FBXL17: variants seen among roughly 807,000 people sequenced by gnomAD.
The protein encoded by FBXL17 is F-box and leucine rich repeat protein 17.
In FBXL17, 22 loss-of-function variants were observed where a neutral mutation model predicts 66.2. That is an observed-to-expected ratio of 0.33 (90% CI 0.24 to 0.47). The LOEUF (loss-of-function observed/expected upper bound fraction) is 0.47. FBXL17 is among the 20% of genes least tolerant of loss of function. FBXL17 has a pLI of 1.00. For synonymous variants in FBXL17, 474 were observed against 400.5 expected (o/e 1.18, Z -2.19); for missense variants, 878 against 948.2 (o/e 0.93, Z 0.97).
At chr5:108,240,890 G>T (rs1182175700) in intron 4 of FBXL17, among the ~76,000 whole-genome samples, 1 of 152,098 alleles carries the variant, frequency 6.6e-6, no homozygotes, top group African/African-American at 2.4e-5. Context: ...GAGAGAGATT[G>T]ATTCCATTTG....
At position 108,379,156 on chromosome 5, in the gene FBXL17, C is replaced by T. The variant is rs1218261194; in HGVS notation, c.993+1543G>A. Among the ~76,000 whole-genome samples the T allele has an allele frequency of 2.0e-5, 3 of 151,866 alleles. No homozygotes were observed. In the East Asian group the frequency reaches 5.8e-4, roughly 29 times the overall value. On this transcript the variant is annotated intron_variant, in intron 1 of 8. Coordinates refer to ENST00000542267, the MANE Select transcript of FBXL17 (RefSeq NM_001163315.3). Reference sequence around the variant, plus strand: ...TTCTCTTTATTATGAGATCATGTCCCTTTTTTTTCTCGGCATTAAAATGTT... The same window carrying T: ...TTCTCTTTATTATGAGATCATGTCCTTTTTTTTTCTCGGCATTAAAATGTT...
intron 6 of FBXL17, among the ~76,000 whole-genome samples, chr5:108,100,910 C>G (rs993429569): frequency 6.6e-6 from 1 of 152,074 alleles, no homozygotes. Context: ...CATTTCACTA[C>G]AAATACAGAT....
In FBXL17 at chr5:108,265,003, T is replaced by A. The variant is rs139281557; in HGVS notation, c.1507-40775A>T. Among the ~76,000 whole-genome samples the A allele has an allele frequency of 5.1e-3, 782 of 152,098 alleles. 8 individuals are homozygous for A. The highest frequency in any genetic ancestry group is 0.018 in the African/African-American group (740 of 41,518). On this transcript the variant is annotated intron_variant, in intron 4 of 8. Coordinates refer to ENST00000542267, the MANE Select transcript of FBXL17 (RefSeq NM_001163315.3). The stretch of plus-strand genomic sequence containing the variant: ...CCCTATTTCTTTTATCTGTGATCCA[T>A]CCTCTATATTAAAAGATTATATGAA...
intron 4 of FBXL17, among the ~76,000 whole-genome samples, chr5:108,332,032 T>C (rs1760147128): frequency 6.6e-6 from 1 of 152,114 alleles, no homozygotes; most frequent in South Asian, 2.1e-4. Flanking sequence ...CTTATTTGAT[T>C]AAAAACTAGT....
intron 4 of FBXL17, among the ~76,000 whole-genome samples, chr5:108,232,008 G>A (rs1755364780): frequency 6.6e-6 from 1 of 151,438 alleles, no homozygotes; most frequent in African/African-American, 2.4e-5. Flanking sequence ...GCTTGCTGAA[G>A]GCAAAGGAAT....
intron 4 of FBXL17, among the ~76,000 whole-genome samples, chr5:108,322,608 T>C (rs559407809): frequency 4.6e-5 from 7 of 152,050 alleles, no homozygotes; most frequent in Admixed American, 1.3e-4. Context: ...GTTTGTATTT[T>C]TGAAAATAAT....
Position 108,129,658 on chromosome 5 carries a change from C to G in FBXL17, c.1745+56459G>C, listed in dbSNP as rs1483626307. On this transcript the variant is annotated intron_variant, in intron 6 of 8. Coordinates refer to ENST00000542267, the MANE Select transcript of FBXL17 (RefSeq NM_001163315.3). Reference sequence around the variant, plus strand: ...TGAAAATTACTGAGTAAAAATATGTCATGGTAGTTACATAACTCCTGAGAA... The same window carrying G: ...TGAAAATTACTGAGTAAAAATATGTGATGGTAGTTACATAACTCCTGAGAA... Among the ~76,000 whole-genome samples the G allele has an allele frequency of 7.9e-5, 12 of 152,058 alleles. No individual in the cohort carries two copies. The East Asian group carries it at 2.3e-3, about 29-fold the overall frequency.
intron 7 of FBXL17, among the ~76,000 whole-genome samples, chr5:108,000,659 T>C (rs1041059403): frequency 1.5e-4 from 23 of 152,240 alleles, no homozygotes; most frequent in Non-Finnish European, 2.9e-4. Flanking sequence ...AAGATAGATA[T>C]GCCAGAATCT....
At chr5:108,191,230 T>A (rs546785598) in intron 5 of FBXL17, among the ~76,000 whole-genome samples, 96 of 152,330 alleles carry the variant, frequency 6.3e-4, no homozygotes, top group African/African-American at 2.2e-3. Context: ...TCCAGCTACA[T>A]AAATATCTCC....
At chr5:108,150,405 C>T (rs993267668) in intron 6 of FBXL17, among the ~76,000 whole-genome samples, 2 of 152,066 alleles carry the variant, frequency 1.3e-5, no homozygotes, top group African/African-American at 2.4e-5. Context: ...GGTCTCCCTA[C>T]GGTGCCCAGG....
At chr5:108,341,697 C>T (rs567418059) in intron 4 of FBXL17, among the ~76,000 whole-genome samples, 1 of 152,170 alleles carries the variant, frequency 6.6e-6, no homozygotes, top group Admixed American at 6.5e-5. Context: ...ACAACCTGGT[C>T]CTTTCTTTCT....
At chr5:108,355,278 T>G (rs952343047) in intron 3 of FBXL17, among the ~76,000 whole-genome samples, 9 of 148,634 alleles carry the variant, frequency 6.1e-5, no homozygotes, top group South Asian at 2.1e-4. Flanking sequence ...ATTTATTTAT[T>G]TATTTATTTA....
At chr5:108,197,255 T>C (rs1753716445) in intron 5 of FBXL17, among the ~76,000 whole-genome samples, 2 of 152,110 alleles carry the variant, frequency 1.3e-5, no homozygotes, top group Admixed American at 1.3e-4. Flanking sequence ...AATTAAAAAA[T>C]AAAATATTCA....
intron 6 of FBXL17, among the ~76,000 whole-genome samples, chr5:108,109,916 A>C (rs968162662): frequency 6.6e-6 from 1 of 152,200 alleles, no homozygotes; most frequent in African/African-American, 2.4e-5. Flanking sequence ...GGGTTGAGGG[A>C]GAGAACACTT....
intron 5 of FBXL17, among the ~76,000 whole-genome samples, chr5:108,219,538 T>C (rs942764384): frequency 6.6e-6 from 1 of 151,862 alleles, no homozygotes; most frequent in Non-Finnish European, 1.5e-5. Context: ...ATACAAAAAA[T>C]TAGCCGGGCG....
chr5:108,227,656 C>G (rs1384592966), intron 4 of FBXL17, among the ~76,000 whole-genome samples: 1 of 152,176 alleles, frequency 6.6e-6, no homozygotes, highest in Admixed American at 6.5e-5. Context: ...CTAAAACAAT[C>G]ATAAGAACAT....
At chr5:107,999,177 G>A (rs972988650) in intron 7 of FBXL17, among the ~76,000 whole-genome samples, 2 of 152,060 alleles carry the variant, frequency 1.3e-5, no homozygotes, top group African/African-American at 4.8e-5. Context: ...TGCACCCCAG[G>A]TTAGTTTGCG....
chr5:108,138,687 T>C (rs909403040), intron 6 of FBXL17, among the ~76,000 whole-genome samples: 1 of 152,214 alleles, frequency 6.6e-6, no homozygotes, highest in Non-Finnish European at 1.5e-5. Flanking sequence ...ATTTACTTAC[T>C]ACTGATTTAG....
chr5:108,354,759 C>G (rs1352451857), intron 3 of FBXL17, among the ~76,000 whole-genome samples: 1 of 149,562 alleles, frequency 6.7e-6, no homozygotes, highest in Non-Finnish European at 1.5e-5. Flanking sequence ...AGTAAGAAAT[C>G]TAGAAAGAAG....
Sources: gnomAD v4.1 joint callset for allele counts (sites outside exome capture counted in the v4.1 genomes callset) on GRCh38, gnomAD v4.1.1 for gene constraint, MANE v1.5 for transcripts, NCBI Gene and HGNC (gene_info 2026-07-23, HGNC 2026-07-21) for gene names.